TBCCD1: variants seen among roughly 807,000 people sequenced by gnomAD.
TBCCD1 encodes TBCC domain containing 1.
A neutral mutation model predicts 53.4 loss-of-function variants in TBCCD1; 26 were observed. That is an observed-to-expected ratio of 0.49 (90% CI 0.36 to 0.68). TBCCD1 has a LOEUF of 0.68. Ranked by LOEUF, TBCCD1 falls within the 30% of genes least tolerant of loss-of-function variation. The probability of loss-of-function intolerance (pLI) is 0.00; values close to 1 mark genes in which losing one functional copy is unlikely to be tolerated. For missense variants in TBCCD1, 558 were observed against 669.5 expected, an observed-to-expected ratio of 0.83 and a Z score of 1.84; for synonymous variants, 245 against 241.7, an observed-to-expected ratio of 1.01 and a Z score of -0.13.
chr3:186,567,444 T>C (rs1714873369), upstream of TBCCD1: 1 of 150,986 alleles, frequency 6.6e-6, no homozygotes. Flanking sequence ...AGATTGCGGC[T>C]CAAGCGTCTG....
upstream of TBCCD1, chr3:186,570,233 A>T (rs1714976151): frequency 1.6e-6 from 1 of 631,086 alleles, no homozygotes; most frequent in African/African-American, 1.8e-5. Flanking sequence ...AATGCGTCTG[A>T]TGTACACCTG....
At position 186,554,649 on chromosome 3, in the gene TBCCD1, A is replaced by C; in HGVS notation, c.1149T>G (p.Val383=). 1 of 1,614,258 alleles carries C rather than the reference A, an allele frequency of 6.2e-7. No homozygotes were observed. The highest frequency in any genetic ancestry group is 8.5e-7 in the Non-Finnish European group (1 of 1,180,040). The part of the protein sequence containing the change: ...HSCDNVKVIA[V]CHRLSISSTT... ...TAGAAGAGATGGACAAACGATGGCA[A>C]ACAGCAATGACTTTAACATTGTCAC... Residue 383 remains valine, a synonymous_variant, in exon 6 of 8, where the codon GTT becomes GTG. Coordinates refer to ENST00000338733, the MANE Select transcript of TBCCD1 (RefSeq NM_018138.5).
chr3:186,565,109 C>CTTT lies in TBCCD1; in HGVS notation c.-43-740_-43-738dup, dbSNP rs370017010. Among the ~76,000 whole-genome samples, 1,119 of 124,664 alleles carry CTTT rather than the reference C, an allele frequency of 9.0e-3. 28 individuals carry two copies. The highest frequency in any genetic ancestry group is 0.027 in the African/African-American group (863 of 32,110). The allele number at this position is 124,664 out of a possible 152,430, so 81.8% of individuals were successfully genotyped here. A position where few individuals can be genotyped will look rare whatever the true frequency, so the allele number is the denominator to read the frequency against. ...TTTATTGTATTTCCTTCTTCTTCTT[C>CTTT]TTTTTTTTTTTTTTTTTTTGAGATG... On this transcript the variant is annotated intron_variant, in intron 1 of 7. Transcript: ENST00000338733.
At chr3:186,562,751 T>C (rs1714723685) in intron 2 of TBCCD1, among the ~76,000 whole-genome samples, 1 of 152,034 alleles carries the variant, frequency 6.6e-6, no homozygotes, top group African/African-American at 2.4e-5. Context: ...TGGGGGGTGA[T>C]GGGTATGTCT....
intron 2 of TBCCD1, among the ~76,000 whole-genome samples, chr3:186,558,882 A>C (rs927427181): frequency 2.0e-4 from 30 of 152,226 alleles, no homozygotes; most frequent in African/African-American, 6.7e-4. Flanking sequence ...AGCTGGGATT[A>C]CAAGCATGTG....
intron 7 of TBCCD1, among the ~76,000 whole-genome samples, chr3:186,547,646 G>A (rs1292075280): frequency 8.5e-5 from 12 of 140,898 alleles, no homozygotes; most frequent in Non-Finnish European, 1.7e-4. Context: ...TCGCTCTGTC[G>A]CCCAGGCTGG....
intron 2 of TBCCD1, 120 bp downstream of exon 2, chr3:186,563,874 G>T: frequency 8.1e-7 from 1 of 1,233,908 alleles, no homozygotes; most frequent in Non-Finnish European, 1.1e-6. Flanking sequence ...GACCAGCCTG[G>T]GCAACAAAGT....
chr3:186,558,602 G>A, intron 2 of TBCCD1, 30 bp from the exon 3 acceptor site: 1 of 1,606,010 alleles, frequency 6.2e-7, no homozygotes, highest in Non-Finnish European at 8.5e-7. Flanking sequence ...AAGATGAATA[G>A]ACGTTTTAAA....
chr3:186,554,104 T>G (rs1316235377), intron 6 of TBCCD1, 150 bp downstream of exon 6: 23 of 1,091,182 alleles, frequency 2.1e-5, no homozygotes, highest in Non-Finnish European at 3.0e-5. Flanking sequence ...CACCTCGGCC[T>G]CCCAAAGTGC....
rs190970950 is a variant in TBCCD1, at chr3:186,557,163, G to A, written c.493-388C>T. Among the ~76,000 whole-genome samples, 50 of 152,302 alleles carry A rather than the reference G, an allele frequency of 3.3e-4. No individual in the cohort carries two copies. The East Asian group carries it at 7.3e-3, about 22-fold the overall frequency. ...GTCCAATCAGTTACTCAGAGAGGTCGTGCTGTAGTATAAACCAAAGTCACC... is the reference window on the plus strand; with the variant it reads ...GTCCAATCAGTTACTCAGAGAGGTCATGCTGTAGTATAAACCAAAGTCACC... On this transcript the variant is annotated intron_variant, in intron 3 of 7. Transcript: ENST00000338733.
chr3:186,568,912 A>C (rs909880041), upstream of TBCCD1, among the ~76,000 whole-genome samples: 3 of 140,018 alleles, frequency 2.1e-5, no homozygotes, highest in Admixed American at 7.1e-5. Context: ...CAGGAAAAAA[A>C]AAGAAATAAA....
In TBCCD1 at chr3:186,565,173, T is replaced by C. The variant is rs554079540; in HGVS notation, c.-43-801A>G. 6.7e-5 allele frequency among the ~76,000 whole-genome samples: 10 copies of C among 148,288 alleles called. No homozygotes were observed. In the South Asian group the frequency reaches 2.2e-3, roughly 32 times the overall value. ...TTGCCCAGGCTAGAGTGCAGTGGCA[T>C]GATCTCAGCTCACTGCAACCTCCAC... On this transcript the variant is annotated intron_variant, in intron 1 of 7. Transcript: ENST00000338733.
Position 186,551,216 on chromosome 3 carries a change from T to C in TBCCD1, c.1608A>G (p.Thr536=). The stretch of plus-strand genomic sequence containing the variant: ...GGCTGTCCAGCTGTTGGCGATGTCC[T>C]GTATTAATCAACCATTCATAAAACT... ...ENKFYEWLIN[T]GHRQQLDSLV... is the part of the protein sequence containing the mutation. The change falls in exon 7 of 8, where the codon ACA becomes ACG. Residue 536 remains threonine, a synonymous_variant. Transcript: ENST00000338733. The C allele has an allele frequency of 6.2e-7, 1 of 1,613,416 alleles. No homozygotes were observed. Among genetic ancestry groups the C allele is most frequent in the Non-Finnish European group, 8.5e-7 (1 of 1,180,016 alleles).
At chr3:186,549,913 GT>G (rs1407923790) in intron 7 of TBCCD1, among the ~76,000 whole-genome samples, 9 of 152,042 alleles carry the variant, frequency 5.9e-5, no homozygotes, top group Admixed American at 1.3e-4. Context: ...TCCTTTGTCT[GT>G]TTTCTATTGC....
At chr3:186,566,821 T>C (rs1714846797) in intron 1 of TBCCD1, among the ~76,000 whole-genome samples, 1 of 151,916 alleles carries the variant, frequency 6.6e-6, no homozygotes, top group African/African-American at 2.4e-5. Context: ...AACCAGACGA[T>C]AAAAGTTAGG....
intron 1 of TBCCD1, 90 bp from the exon 2 acceptor site, chr3:186,564,462 G>C: frequency 1.2e-6 from 1 of 807,838 alleles, no homozygotes; most frequent in Non-Finnish European, 1.9e-6. Context: ...TCTCAACTGT[G>C]TCATATGTAC....
chr3:186,564,707 T>C (rs1397070098), intron 1 of TBCCD1, among the ~76,000 whole-genome samples: 1 of 152,248 alleles, frequency 6.6e-6, no homozygotes, highest in East Asian at 1.9e-4. Flanking sequence ...AACCTTTTTC[T>C]ACTCTGAGGG....
chr3:186,564,422 T>C (rs541576236), intron 1 of TBCCD1, 50 bp from the exon 2 acceptor site: 41 of 1,309,126 alleles, frequency 3.1e-5, no homozygotes, highest in Admixed American at 3.1e-4. Flanking sequence ...GTCTCATTTA[T>C]GCATTTTTTC....
upstream of TBCCD1, among the ~76,000 whole-genome samples, chr3:186,567,991 A>G (rs1714887847): frequency 1.3e-5 from 2 of 152,106 alleles, no homozygotes; most frequent in African/African-American, 4.8e-5. Context: ...ATTTCTGGAC[A>G]TTTCCTGCTT....
Sources: gnomAD v4.1 joint callset for allele counts (sites outside exome capture counted in the v4.1 genomes callset) on GRCh38, gnomAD v4.1.1 for gene constraint, MANE v1.5 for transcripts, NCBI Gene and HGNC (gene_info 2026-07-23, HGNC 2026-07-21) for gene names.